The following WDR7 variants were observed in gnomAD, a reference collection of about 807,000 sequenced individuals.
WDR7 encodes WD repeat domain 7.
WDR7 carries 46 observed loss-of-function variants against 169.4 expected under a neutral mutation model. The ratio of observed to expected loss-of-function variants is 0.27; its 90% CI spans 0.21 to 0.35. The LOEUF (loss-of-function observed/expected upper bound fraction) is 0.35, where lower values mean the gene tolerates loss of function less well. Ranked by LOEUF, WDR7 falls within the 10% of genes least tolerant of loss-of-function variation. WDR7 has a pLI of 1.00. For missense variants in WDR7, 1,534 were observed against 1,859.3 expected, an observed-to-expected ratio of 0.83 and a Z score of 3.22; for synonymous variants, 612 against 666.8, an observed-to-expected ratio of 0.92 and a Z score of 1.27.
chr18:56,878,295 T>C (rs2046055623), intron 20 of WDR7, among the ~76,000 whole-genome samples: 1 of 152,240 alleles, frequency 6.6e-6, no homozygotes, highest in African/African-American at 2.4e-5. Context: ...TGATTGCTGT[T>C]TTGCATTCTG....
intron 25 of WDR7, among the ~76,000 whole-genome samples, chr18:56,960,494 G>A (rs892790005): frequency 4.2e-4 from 64 of 152,208 alleles, no homozygotes; most frequent in African/African-American, 1.4e-3. Context: ...ATATTTTCCT[G>A]TGCCTATTAA....
At chr18:57,011,838 G>C (rs2048141257) in intron 26 of WDR7, among the ~76,000 whole-genome samples, 1 of 152,210 alleles carries the variant, frequency 6.6e-6, no homozygotes, top group African/African-American at 2.4e-5. Flanking sequence ...CATTTACCAT[G>C]TACTTCCATT....
At chr18:56,802,658 GC>G (rs1191650788) in intron 19 of WDR7, among the ~76,000 whole-genome samples, 2 of 151,522 alleles carry the variant, frequency 1.3e-5, no homozygotes, top group Non-Finnish European at 2.9e-5. Context: ...ATGAGCCACC[GC>G]ACCTGGCCCA....
chr18:56,842,546 G>T (rs2045502136), intron 20 of WDR7, among the ~76,000 whole-genome samples: 1 of 152,160 alleles, frequency 6.6e-6, no homozygotes, highest in African/African-American at 2.4e-5. Context: ...AAGGTATAAG[G>T]TTGTTCCCTG....
intron 19 of WDR7, among the ~76,000 whole-genome samples, chr18:56,794,866 C>T (rs1315241588): frequency 6.6e-6 from 1 of 152,048 alleles, no homozygotes; most frequent in Non-Finnish European, 1.5e-5. Context: ...AGCTCTTTCT[C>T]CTCCCGTTCT....
chr18:56,783,316 T>C (rs1599039850), intron 19 of WDR7, among the ~76,000 whole-genome samples: 1 of 152,112 alleles, frequency 6.6e-6, no homozygotes, highest in African/African-American at 2.4e-5. Context: ...TTTGAGTAGA[T>C]GAGAAGGTAG....
intron 26 of WDR7, 73 bp from the exon 27 acceptor site, chr18:57,020,671 GA>G: frequency 7.5e-7 from 1 of 1,340,082 alleles, no homozygotes. Context: ...GTTCAACATT[GA>G]ATGCATTTGT....
chr18:56,958,322 T>A (rs1175295576), intron 25 of WDR7, among the ~76,000 whole-genome samples: 3 of 152,162 alleles, frequency 2.0e-5, no homozygotes, highest in Non-Finnish European at 4.4e-5. Flanking sequence ...AATAACGTGT[T>A]CTAGTAATAG....
chr18:57,030,821 G>A (rs919699052), downstream of WDR7: 7 of 151,166 alleles, frequency 4.6e-5, no homozygotes, highest in African/African-American at 1.7e-4. Context: ...AATACCAAAG[G>A]TCAAAAAGAA....
intron 1 of WDR7, among the ~76,000 whole-genome samples, chr18:56,662,228 T>C (rs2024919486): frequency 6.6e-6 from 1 of 152,206 alleles, no homozygotes; most frequent in Admixed American, 6.5e-5. Flanking sequence ...TGAGAACATA[T>C]TGACTATCCT....
intron 20 of WDR7, among the ~76,000 whole-genome samples, chr18:56,820,153 C>G (rs995626835): frequency 1.3e-5 from 2 of 151,592 alleles, no homozygotes; most frequent in East Asian, 3.9e-4. Flanking sequence ...TAAAAACAAC[C>G]TCACCTTAAT....
At chr18:56,938,758 C>G in intron 24 of WDR7, 76 bp downstream of exon 24, 1 of 1,540,908 alleles carries the variant, frequency 6.5e-7, no homozygotes, top group Non-Finnish European at 8.8e-7. Context: ...AAATCAGTAT[C>G]TTTATTTCCA....
chr18:56,661,879 C>T (rs944027677), intron 1 of WDR7, among the ~76,000 whole-genome samples: 3 of 151,388 alleles, frequency 2.0e-5, no homozygotes, highest in Admixed American at 2.0e-4. Flanking sequence ...AATGCACAAG[C>T]ACACACACAC....
intron 20 of WDR7, among the ~76,000 whole-genome samples, chr18:56,844,647 C>T (rs183175522): frequency 3.7e-4 from 57 of 152,296 alleles, no homozygotes; most frequent in Admixed American, 2.8e-3. Flanking sequence ...ATAGAGAAAC[C>T]TTACATTCAA....
At chr18:56,927,042 T>G (rs1040087468) in intron 22 of WDR7, among the ~76,000 whole-genome samples, 3 of 152,208 alleles carry the variant, frequency 2.0e-5, no homozygotes, top group Non-Finnish European at 4.4e-5. Context: ...TGAAGAAGCT[T>G]TTATGTTAGG....
intron 27 of WDR7, among the ~76,000 whole-genome samples, chr18:57,021,889 G>C (rs1695613338): frequency 2.6e-5 from 4 of 152,096 alleles, no homozygotes; most frequent in Admixed American, 2.6e-4. Flanking sequence ...AAAATCAATA[G>C]GTAATAAAAT....
chr18:56,968,100 G>A (rs1190473368), intron 26 of WDR7, among the ~76,000 whole-genome samples: 1 of 151,380 alleles, frequency 6.6e-6, no homozygotes, highest in African/African-American at 2.4e-5. Context: ...TCATACTTTG[G>A]TGAAGGGCTA....
chr18:56,914,352 A>G (rs2046595041), intron 21 of WDR7, among the ~76,000 whole-genome samples: 1 of 152,142 alleles, frequency 6.6e-6, no homozygotes, highest in African/African-American at 2.4e-5. Flanking sequence ...ACATTTGTTT[A>G]TTTGGTTTGT....
chr18:57,001,905 A>G (rs1251031558), intron 26 of WDR7, among the ~76,000 whole-genome samples: 1 of 152,174 alleles, frequency 6.6e-6, no homozygotes, highest in African/African-American at 2.4e-5. Flanking sequence ...GATATAGAAT[A>G]CCAAATATGA....
Sources: gnomAD v4.1 joint callset for allele counts (sites outside exome capture counted in the v4.1 genomes callset) on GRCh38, gnomAD v4.1.1 for gene constraint, MANE v1.5 for transcripts, NCBI Gene and HGNC (gene_info 2026-07-23, HGNC 2026-07-21) for gene names.